ZMYM4: variants seen among roughly 807,000 people sequenced by gnomAD.
The protein encoded by ZMYM4 is zinc finger MYM-type containing 4, also known as zinc finger MYM-type protein 4.
Under a neutral mutation model 183.2 loss-of-function variants are expected in ZMYM4, and 31 were observed. The observed-to-expected ratio is 0.17, with a 90% CI of 0.13 to 0.23. The LOEUF (loss-of-function observed/expected upper bound fraction) is 0.23. Ranked by LOEUF, ZMYM4 falls within the 10% of genes least tolerant of loss-of-function variation. The probability of loss-of-function intolerance (pLI) is 1.00; values close to 1 mark genes in which losing one functional copy is unlikely to be tolerated. For missense variants in ZMYM4, 1,273 were observed against 1,840.3 expected, an observed-to-expected ratio of 0.69 and a Z score of 5.64; for synonymous variants, 592 against 631.2, an observed-to-expected ratio of 0.94 and a Z score of 0.93.
Position 35,351,459 on chromosome 1 carries a change from C to T in ZMYM4, c.86-7466C>T, listed in dbSNP as rs905534302. The T allele has an allele frequency of 2.6e-4, 405 of 1,569,584 alleles. 1 individual carries two copies. The highest frequency in any genetic ancestry group is 2.3e-3 in the East Asian group (104 of 44,736). On this transcript the variant is annotated intron_variant, in intron 2 of 29. Transcript: ENST00000314607. ...GTATAAGAAAGCTCATGCTGCTATACGAGAGAATCCAGTCTATGAAAAGAA... is the reference window on the plus strand; with the variant it reads ...GTATAAGAAAGCTCATGCTGCTATATGAGAGAATCCAGTCTATGAAAAGAA...
intron 1 of ZMYM4, among the ~76,000 whole-genome samples, chr1:35,312,858 C>T (rs1641865164): frequency 6.6e-6 from 1 of 151,980 alleles, no homozygotes; most frequent in Non-Finnish European, 1.5e-5. Flanking sequence ...GTAGCTGGGA[C>T]AGGTGTTTGC....
chr1:35,332,638 A>G (rs1642804469), intron 2 of ZMYM4, among the ~76,000 whole-genome samples: 1 of 152,034 alleles, frequency 6.6e-6, no homozygotes, highest in Admixed American at 6.5e-5. Context: ...CACTTCTTTT[A>G]TGGTGGCTCA....
chr1:35,315,719 G>A (rs998186371), intron 1 of ZMYM4, among the ~76,000 whole-genome samples: 1 of 152,102 alleles, frequency 6.6e-6, no homozygotes, highest in Non-Finnish European at 1.5e-5. Context: ...GATCGCTTTA[G>A]CCTGGGGGTT....
intron 7 of ZMYM4, among the ~76,000 whole-genome samples, chr1:35,373,907 A>G (rs190665555): frequency 1.3e-5 from 2 of 152,088 alleles, no homozygotes; most frequent in Admixed American, 1.3e-4. Context: ...AAAATTATTT[A>G]GTAAAAAGAG....
rs2052712684 is a variant in ZMYM4 at position 35,420,365 on chromosome 1, A to G, written c.*688A>G. ...TCAGCGGTGGGTCTGGATGTGGGTAAACTAAGGTAAAGGGGATGATATTCC... is the reference window on the plus strand; with the variant it reads ...TCAGCGGTGGGTCTGGATGTGGGTAGACTAAGGTAAAGGGGATGATATTCC... On this transcript the variant is annotated 3_prime_UTR_variant, in exon 30 of 30. Coordinates refer to ENST00000314607, the MANE Select transcript of ZMYM4 (RefSeq NM_005095.3). 1 of 152,746 alleles carries G rather than the reference A, an allele frequency of 6.5e-6. No individual in the cohort carries two copies. Among genetic ancestry groups the G allele is most frequent in the East Asian group, 1.9e-4 (1 of 5,172 alleles). 9.5% of individuals were successfully genotyped at this position (152,746 alleles called of 1,614,324 possible).
chr1:35,269,559 C>T (rs1193609703), intron 1 of ZMYM4, among the ~76,000 whole-genome samples: 2 of 152,084 alleles, frequency 1.3e-5, no homozygotes, highest in Non-Finnish European at 2.9e-5. Flanking sequence ...TCCCCTCCCC[C>T]CATAGCCGTT....
At position 35,332,298 on chromosome 1, in the gene ZMYM4, G is replaced by A. The variant is rs2148836570; in HGVS notation, c.85+6893G>A. Among the ~76,000 whole-genome samples, 2 of 152,022 alleles carry A rather than the reference G, an allele frequency of 1.3e-5. 1 individual carries two copies. Among genetic ancestry groups the A allele is most frequent in the African/African-American group, 4.8e-5 (2 of 41,460 alleles). ...ATTCTGAATTTGCATTCTGATTACT[G>A]GTATGTGCTACTTAACAAATCACCC... On this transcript the variant is annotated intron_variant, in intron 2 of 29. Transcript: ENST00000314607.
chr1:35,322,982 G>A (rs951835507), intron 1 of ZMYM4, among the ~76,000 whole-genome samples: 1 of 150,280 alleles, frequency 6.7e-6, no homozygotes, highest in Non-Finnish European at 1.5e-5. Flanking sequence ...GAGTCACCAC[G>A]CCTGGCTTTT....
chr1:35,293,059 G>A (rs1308642679), intron 1 of ZMYM4, among the ~76,000 whole-genome samples: 1 of 149,876 alleles, frequency 6.7e-6, no homozygotes, highest in East Asian at 2.0e-4. Flanking sequence ...GGAGTATGGT[G>A]GCATGATCAT....
chr1:35,283,984 T>G (rs920385058), intron 1 of ZMYM4, among the ~76,000 whole-genome samples: 1 of 151,852 alleles, frequency 6.6e-6, no homozygotes, highest in Non-Finnish European at 1.5e-5. Flanking sequence ...TTGTTTTTTT[T>G]TTTGAGACGG....
intron 2 of ZMYM4, among the ~76,000 whole-genome samples, chr1:35,335,035 A>G (rs1642913741): frequency 6.6e-6 from 1 of 152,102 alleles, no homozygotes; most frequent in African/African-American, 2.4e-5. Context: ...TAAAATGTAT[A>G]TTTTCATGCT....
At chr1:35,381,236 T>A in intron 7 of ZMYM4, 23 bp from the exon 8 acceptor site, 2 of 1,547,164 alleles carry the variant, frequency 1.3e-6, no homozygotes, top group Non-Finnish European at 1.7e-6. Context: ...CCATGGCTTA[T>A]GTTATTTTTT....
At chr1:35,369,102 A>T (rs12064326) in intron 5 of ZMYM4, among the ~76,000 whole-genome samples, 11 of 151,984 alleles carry the variant, frequency 7.2e-5, no homozygotes, top group Non-Finnish European at 1.3e-4. Flanking sequence ...TGTGCCGACA[A>T]CTCCCCATCA....
intron 1 of ZMYM4, 82 bp downstream of exon 1, chr1:35,269,167 G>A: frequency 6.6e-7 from 1 of 1,521,030 alleles, no homozygotes. Flanking sequence ...CAGGTTCGTG[G>A]AGGGGTCGCC....
Position 35,415,789 on chromosome 1 carries a change from G to A in ZMYM4, c.4309+75G>A, listed in dbSNP as rs980609902. On this transcript the variant is annotated intron_variant, in intron 28 of 29. Transcript: ENST00000314607. ...CTAAAATAGAGAGTTACTGCAGAAAGGTAATTATAAATGCTAGACGTGAAA... is the reference window on the plus strand; with the variant it reads ...CTAAAATAGAGAGTTACTGCAGAAAAGTAATTATAAATGCTAGACGTGAAA... The A allele has an allele frequency of 7.8e-6, 12 of 1,537,468 alleles. No individual in the cohort carries two copies. The East Asian group carries it at 1.4e-4, about 18-fold the overall frequency.
At chr1:35,276,308 C>T (rs1639873788) in intron 1 of ZMYM4, among the ~76,000 whole-genome samples, 1 of 118,636 alleles carries the variant, frequency 8.4e-6, no homozygotes, top group African/African-American at 3.8e-5. Context: ...TCCTTTCCTT[C>T]CTCCTTCCTT....
chr1:35,270,680 A>T (rs1445827751), intron 1 of ZMYM4, among the ~76,000 whole-genome samples: 1 of 152,108 alleles, frequency 6.6e-6, no homozygotes, highest in African/African-American at 2.4e-5. Context: ...GAATCGCTTG[A>T]ACCTGGGAGG....
chr1:35,351,288 A>C, intron 2 of ZMYM4: 1 of 1,581,358 alleles, frequency 6.3e-7, no homozygotes, highest in Non-Finnish European at 8.7e-7. Flanking sequence ...CAAGGAATTT[A>C]ATGCAGAAGT....
intron 18 of ZMYM4, among the ~76,000 whole-genome samples, chr1:35,394,070 G>A (rs1198719719): frequency 1.3e-5 from 2 of 150,092 alleles, no homozygotes; most frequent in Non-Finnish European, 3.0e-5. Flanking sequence ...GTTTTCCAGT[G>A]TGACCTTAGG....
Sources: allele counts gnomAD v4.1 joint callset (sites outside exome capture counted in the v4.1 genomes callset), GRCh38; gene constraint gnomAD v4.1.1; transcripts MANE v1.5; gene names NCBI Gene and HGNC (gene_info 2026-07-23, HGNC 2026-07-21).